GALNTL6: variants seen among roughly 807,000 people sequenced by gnomAD.
GALNTL6 encodes polypeptide N-acetylgalactosaminyltransferase like 6.
Under a neutral mutation model 73.7 loss-of-function variants are expected in GALNTL6, and 46 were observed. That is an observed-to-expected ratio of 0.62 (90% CI 0.49 to 0.80). The LOEUF is 0.80. Ranked by LOEUF, GALNTL6 falls within the 30% of genes least tolerant of loss-of-function variation. GALNTL6 has a pLI of 0.00. For synonymous variants in GALNTL6, 259 were observed against 263.7 expected, an observed-to-expected ratio of 0.98 and a Z score of 0.17; for missense variants, 604 against 755.0, an observed-to-expected ratio of 0.80 and a Z score of 2.34.
At chr4:172,653,091 T>G (rs1740551708) in intron 5 of GALNTL6, among the ~76,000 whole-genome samples, 1 of 151,856 alleles carries the variant, frequency 6.6e-6, no homozygotes, top group African/African-American at 2.4e-5. Flanking sequence ...ATCCAGTGGC[T>G]TTCTCTCATC....
intron 8 of GALNTL6, among the ~76,000 whole-genome samples, chr4:172,904,145 C>G (rs1409427607): frequency 1.3e-5 from 2 of 152,160 alleles, no homozygotes; most frequent in African/African-American, 4.8e-5. Flanking sequence ...GAAAAACTAG[C>G]ATAATCACAT....
chr4:172,108,296 G>A (rs1170829129), intron 2 of GALNTL6, among the ~76,000 whole-genome samples: 1 of 152,134 alleles, frequency 6.6e-6, no homozygotes, highest in Non-Finnish European at 1.5e-5. Flanking sequence ...CTTGCACTAG[G>A]TAGGGTTCTC....
At chr4:171,945,838 T>G (rs1339444967) in intron 2 of GALNTL6, among the ~76,000 whole-genome samples, 1 of 152,146 alleles carries the variant, frequency 6.6e-6, no homozygotes, top group Non-Finnish European at 1.5e-5. Context: ...CATTATTCTG[T>G]TTTGGGAGGT....
At chr4:172,426,985 A>G (rs1561078004) in intron 5 of GALNTL6, among the ~76,000 whole-genome samples, 2 of 152,172 alleles carry the variant, frequency 1.3e-5, no homozygotes, top group South Asian at 2.1e-4. Flanking sequence ...TTATCAAAGT[A>G]TCATTTTATG....
At chr4:172,062,416 T>G (rs941221307) in intron 2 of GALNTL6, among the ~76,000 whole-genome samples, 4 of 152,196 alleles carry the variant, frequency 2.6e-5, no homozygotes, top group Non-Finnish European at 5.9e-5. Context: ...AGCTCAACTG[T>G]GCTAATATTT....
chr4:172,372,501 C>T (rs1431688214), intron 5 of GALNTL6, among the ~76,000 whole-genome samples: 1 of 152,186 alleles, frequency 6.6e-6, no homozygotes, highest in Non-Finnish European at 1.5e-5. Context: ...CCACAACTAC[C>T]CGTAAAACAG....
chr4:172,738,336 T>A (rs895944342), intron 5 of GALNTL6, among the ~76,000 whole-genome samples: 2 of 152,170 alleles, frequency 1.3e-5, no homozygotes, highest in East Asian at 3.9e-4. Context: ...AGAAACTGGC[T>A]CATCCTCATA....
At chr4:172,384,629 C>T (rs1366763276) in intron 5 of GALNTL6, among the ~76,000 whole-genome samples, 1 of 151,536 alleles carries the variant, frequency 6.6e-6, no homozygotes, top group Non-Finnish European at 1.5e-5. Flanking sequence ...CCTTCTTTCT[C>T]ATTGCTTTGT....
chr4:172,539,876 TATA>T (rs1735483919), intron 5 of GALNTL6, among the ~76,000 whole-genome samples: 2 of 3,984 alleles, frequency 5.0e-4, no homozygotes, highest in Non-Finnish European at 1.6e-3. Flanking sequence ...TACATATGAT[TATA>T]TATATATATA....
chr4:172,646,810 C>T, intron 5 of GALNTL6, among the ~76,000 whole-genome samples: 1 of 151,964 alleles, frequency 6.6e-6, no homozygotes, highest in East Asian at 1.9e-4. Context: ...TGTTTAACAA[C>T]ATGATGTTAA....
chr4:172,319,687 A>G (rs1455640259), intron 4 of GALNTL6, among the ~76,000 whole-genome samples: 1 of 152,200 alleles, frequency 6.6e-6, no homozygotes, highest in Non-Finnish European at 1.5e-5. Context: ...ACAATTATTT[A>G]TTAAGCATGT....
intron 5 of GALNTL6, among the ~76,000 whole-genome samples, chr4:172,665,033 G>A (rs910516977): frequency 9.9e-5 from 15 of 152,124 alleles, no homozygotes; most frequent in South Asian, 2.1e-4. Context: ...TGTTTGCCAC[G>A]TACTTACCTA....
At chr4:172,597,782 ATTAT>A (rs771882678) in intron 5 of GALNTL6, among the ~76,000 whole-genome samples, 1 of 152,146 alleles carries the variant, frequency 6.6e-6, no homozygotes, top group Non-Finnish European at 1.5e-5. Flanking sequence ...CATCAATAGG[ATTAT>A]TTGAGTGTGG....
chr4:172,172,001 G>A (rs1734845832), intron 2 of GALNTL6, among the ~76,000 whole-genome samples: 1 of 152,116 alleles, frequency 6.6e-6, no homozygotes, highest in Non-Finnish European at 1.5e-5. Flanking sequence ...CAGCCAGTAT[G>A]TCTGTAGGTC....
At chr4:172,133,161 T>C (rs1042794599) in intron 2 of GALNTL6, among the ~76,000 whole-genome samples, 3 of 152,202 alleles carry the variant, frequency 2.0e-5, no homozygotes, top group Admixed American at 6.5e-5. Context: ...CATTAGATCG[T>C]TAGTTAAGCA....
In GALNTL6 at chr4:172,870,082, A is replaced by ATCATCG. The variant is rs1553997506; in HGVS notation, c.924-12703_924-12702insGTCATC. Among the ~76,000 whole-genome samples the ATCATCG allele has an allele frequency of 8.8e-3, 1,336 of 151,512 alleles. 16 individuals carry two copies. The highest frequency in any genetic ancestry group is 0.028 in the African/African-American group (1,170 of 41,212). ...CATCATCATCATCATCATCATCATCATCATCATCATCAGGTGTTTATAAAA... is the reference window on the plus strand; with the variant it reads ...CATCATCATCATCATCATCATCATCATCATCGTCATCATCATCAGGTGTTTATAAAA... On this transcript the variant is annotated intron_variant, in intron 7 of 12. Transcript: ENST00000506823.
At chr4:172,347,737 G>A (rs1242549542) in intron 4 of GALNTL6, among the ~76,000 whole-genome samples, 2 of 151,532 alleles carry the variant, frequency 1.3e-5, no homozygotes, top group Non-Finnish European at 1.5e-5. Flanking sequence ...AATTTTGATG[G>A]GTTTTCAGAC....
At chr4:172,627,782 A>G (rs1191012808) in intron 5 of GALNTL6, among the ~76,000 whole-genome samples, 1 of 151,888 alleles carries the variant, frequency 6.6e-6, no homozygotes, top group Non-Finnish European at 1.5e-5. Flanking sequence ...TTTCTACTTC[A>G]TGTGCATACA....
intron 8 of GALNTL6, among the ~76,000 whole-genome samples, chr4:172,884,971 C>G (rs1468183972): frequency 6.6e-6 from 1 of 152,016 alleles, no homozygotes; most frequent in Non-Finnish European, 1.5e-5. Flanking sequence ...TATTTTGTTC[C>G]ATTGGTGTAT....
Sources: gnomAD v4.1 joint callset for allele counts (sites outside exome capture counted in the v4.1 genomes callset) on GRCh38, gnomAD v4.1.1 for gene constraint, MANE v1.5 for transcripts, NCBI Gene and HGNC (gene_info 2026-07-23, HGNC 2026-07-21) for gene names.